Variants in FHIT observed in about 807,000 individuals in gnomAD.
FHIT encodes fragile histidine triad diadenosine triphosphatase.
FHIT carries 19 observed loss-of-function variants against 17.9 expected under a neutral mutation model. That is an observed-to-expected ratio of 1.06 (90% CI 0.74 to 1.56). The LOEUF (loss-of-function observed/expected upper bound fraction) is 1.56. Among genes scored for constraint, FHIT ranks in the 40% most tolerant of loss-of-function variants. The probability of loss-of-function intolerance (pLI) is 0.00; values close to 1 mark genes in which losing one functional copy is unlikely to be tolerated. For synonymous variants in FHIT, 81 were observed against 69.7 expected (o/e 1.16, Z -0.81); for missense variants, 248 against 189.2 (o/e 1.31, Z -1.82).
intron 5 of FHIT, among the ~76,000 whole-genome samples, chr3:60,517,742 C>A (rs1001637413): frequency 2.6e-5 from 4 of 152,074 alleles, no homozygotes; most frequent in African/African-American, 9.7e-5. Context: ...GCCACAATCC[C>A]CAAGATCTGT....
intron 5 of FHIT, among the ~76,000 whole-genome samples, chr3:60,440,031 G>A (rs2030653639): frequency 5.3e-5 from 8 of 152,052 alleles, no homozygotes; most frequent in Admixed American, 3.9e-4. Flanking sequence ...GTCATCCTCA[G>A]TCACAGTCTT....
intron 8 of FHIT, among the ~76,000 whole-genome samples, chr3:59,838,092 A>G (rs1157065285): frequency 6.6e-6 from 1 of 151,320 alleles, no homozygotes; most frequent in Non-Finnish European, 1.5e-5. Context: ...ACAGTCATTC[A>G]CTCTCGCTGT....
At chr3:60,184,426 G>A (rs1045810113) in intron 5 of FHIT, among the ~76,000 whole-genome samples, 1 of 152,028 alleles carries the variant, frequency 6.6e-6, no homozygotes, top group Non-Finnish European at 1.5e-5. Context: ...ATAGTACTGA[G>A]GCAAGTATGT....
chr3:61,006,222 T>G (rs1357221374), intron 3 of FHIT, among the ~76,000 whole-genome samples: 1 of 152,198 alleles, frequency 6.6e-6, no homozygotes, highest in South Asian at 2.1e-4. Flanking sequence ...TCTTTTAATA[T>G]GGATTAGTGC....
chr3:60,678,470 T>C (rs2040672657), intron 4 of FHIT, among the ~76,000 whole-genome samples: 1 of 152,150 alleles, frequency 6.6e-6, no homozygotes, highest in African/African-American at 2.4e-5. Context: ...TACATTCCAT[T>C]ATATATCGCT....
intron 5 of FHIT, among the ~76,000 whole-genome samples, chr3:60,030,550 A>G (rs2106782704): frequency 6.6e-6 from 1 of 152,332 alleles, no homozygotes; most frequent in East Asian, 1.9e-4. Context: ...CTCATAGCTT[A>G]TATCAATCTT....
chr3:61,230,753 TAA>T (rs1393042047), intron 1 of FHIT, among the ~76,000 whole-genome samples: 12 of 152,252 alleles, frequency 7.9e-5, no homozygotes, highest in Admixed American at 2.6e-4. Flanking sequence ...TTGGCAGAAT[TAA>T]AAGTTAGCAA....
chr3:60,493,747 G>A (rs190631315), intron 5 of FHIT, among the ~76,000 whole-genome samples: 12 of 152,240 alleles, frequency 7.9e-5, no homozygotes, highest in African/African-American at 2.4e-4. Context: ...ATATTCAAAC[G>A]AGAGATACGA....
At chr3:59,866,545 C>A (rs1454684789) in intron 8 of FHIT, among the ~76,000 whole-genome samples, 1 of 152,094 alleles carries the variant, frequency 6.6e-6, no homozygotes, top group African/African-American at 2.4e-5. Context: ...AGAACATAGG[C>A]TGGAGGATCA....
intron 8 of FHIT, among the ~76,000 whole-genome samples, chr3:59,897,158 G>A (rs1704108960): frequency 6.6e-6 from 1 of 152,192 alleles, no homozygotes; most frequent in African/African-American, 2.4e-5. Context: ...CCACAGCTGA[G>A]TCTAAAAGAA....
chr3:60,732,994 T>C (rs564136858), intron 4 of FHIT, among the ~76,000 whole-genome samples: 3 of 152,304 alleles, frequency 2.0e-5, no homozygotes, highest in African/African-American at 7.2e-5. Flanking sequence ...CCTGATTGCA[T>C]ATGAAATGCA....
chr3:61,176,836 T>A (rs1185875996), intron 2 of FHIT, among the ~76,000 whole-genome samples: 2 of 152,090 alleles, frequency 1.3e-5, no homozygotes, highest in African/African-American at 4.8e-5. Flanking sequence ...AGAGGAAACA[T>A]GAAGAGGCAT....
At chr3:60,222,329 C>T (rs1334426575) in intron 5 of FHIT, among the ~76,000 whole-genome samples, 5 of 152,182 alleles carry the variant, frequency 3.3e-5, no homozygotes, top group Non-Finnish European at 7.3e-5. Context: ...TCTACCCTCC[C>T]CTCCCTGTTC....
chr3:61,190,624 A>G (rs1429297450), intron 2 of FHIT, among the ~76,000 whole-genome samples: 1 of 152,212 alleles, frequency 6.6e-6, no homozygotes, highest in South Asian at 2.1e-4. Flanking sequence ...ATAAAGACAC[A>G]TGCATACGTA....
At chr3:59,900,018 A>G (rs56243466) in intron 8 of FHIT, among the ~76,000 whole-genome samples, 8,577 of 152,316 alleles carry the variant, frequency 0.056, 788 homozygotes, top group African/African-American at 0.19. Flanking sequence ...TTACAAAACT[A>G]GGCCAGGGCC....
chr3:60,415,869 A>G (rs242194), intron 5 of FHIT, among the ~76,000 whole-genome samples: 4,221 of 79,190 alleles, frequency 0.053, 103 homozygotes, highest in Middle Eastern at 0.074. Context: ...ATATTATTAT[A>G]TAATACTATT....
At chr3:59,816,909 G>C (rs953483553) in intron 8 of FHIT, among the ~76,000 whole-genome samples, 2 of 152,214 alleles carry the variant, frequency 1.3e-5, no homozygotes, top group Admixed American at 1.3e-4. Context: ...TGAGACTTAA[G>C]CAAGAGACCC....
At chr3:60,025,734 G>GAAAAA (rs71627518) in intron 5 of FHIT, among the ~76,000 whole-genome samples, 1 of 119,696 alleles carries the variant, frequency 8.4e-6, no homozygotes, top group African/African-American at 2.8e-5. Flanking sequence ...AATTCTACCA[G>GAAAAA]AAAAAAAAAA....
Position 60,367,727 on chromosome 3 carries a change from A to G in FHIT, c.103+169133T>C, listed in dbSNP as rs1266883865. Among the ~76,000 whole-genome samples the G allele has an allele frequency of 2.6e-5, 4 of 152,272 alleles. No homozygotes were observed. The East Asian group carries it at 7.7e-4, about 29-fold the overall frequency. On this transcript the variant is annotated intron_variant, in intron 5 of 9. Transcript: ENST00000492590. ...CCTATAGAGGTTTTACAGTGGATGA[A>G]TTTTAACAAATGTATACACACATAC...
Sources: allele counts gnomAD v4.1 joint callset (sites outside exome capture counted in the v4.1 genomes callset), GRCh38; gene constraint gnomAD v4.1.1; transcripts MANE v1.5; gene names NCBI Gene and HGNC (gene_info 2026-07-23, HGNC 2026-07-21).